Variants in GPR149 observed in about 807,000 individuals in gnomAD.
GPR149 encodes G protein-coupled receptor 149.
In GPR149, 50 loss-of-function variants were observed where a neutral mutation model predicts 50.2. The observed-to-expected ratio is 1.00, with a 90% CI of 0.79 to 1.26. The LOEUF (loss-of-function observed/expected upper bound fraction) is 1.26. GPR149 is among the 50% of genes most tolerant of loss of function. The pLI, the probability that GPR149 is intolerant of heterozygous loss-of-function variation, is 0.00. For synonymous variants in GPR149, 405 were observed against 358.2 expected, an observed-to-expected ratio of 1.13 and a Z score of -1.48; for missense variants, 983 against 895.4, an observed-to-expected ratio of 1.10 and a Z score of -1.25.
chr3:154,376,471 T>A (rs915456547), intron 3 of GPR149, among the ~76,000 whole-genome samples: 1 of 152,256 alleles, frequency 6.6e-6, no homozygotes, highest in African/African-American at 2.4e-5. Flanking sequence ...TTATTGGGAT[T>A]AATGTCAAAG....
At chr3:154,412,632 A>G (rs752516985) in intron 3 of GPR149, among the ~76,000 whole-genome samples, 6 of 152,020 alleles carry the variant, frequency 3.9e-5, no homozygotes, top group East Asian at 1.9e-4. Context: ...GCTACCAAAC[A>G]CTGCTGAAAG....
rs767103352 is a variant in GPR149 at position 154,429,304 on chromosome 3, C to G, written c.312G>C (p.Leu104=). 5.0e-6 allele frequency: 8 copies of G among 1,614,142 alleles called. No individual in the cohort carries two copies. Among genetic ancestry groups the G allele is most frequent in the East Asian group, 4.5e-5 (2 of 44,856 alleles). ...AATACATTAAGGCAGAGGTGGTGCA[C>G]AGAAATTGGAAGTAACCGGGGACCT... ...PNEVPGYFQF[L]CTTSALMYLC... is the part of the protein sequence containing the mutation. Residue 104 remains leucine (L), a synonymous_variant, in exon 1 of 4, where the codon CTG becomes CTC. Transcript: ENST00000389740.
chr3:154,406,845 C>T (rs905598183), intron 3 of GPR149, among the ~76,000 whole-genome samples: 5 of 152,096 alleles, frequency 3.3e-5, no homozygotes, highest in African/African-American at 1.2e-4. Flanking sequence ...TGTATTAGCC[C>T]GTTCTCACGT....
intron 3 of GPR149, chr3:154,354,611 T>G (rs112183275): frequency 0.01 from 2,008 of 191,884 alleles, 47 homozygotes; most frequent in African/African-American, 0.045. Flanking sequence ...GAGGAAAGAC[T>G]CTACAACTCC....
Position 154,421,398 on chromosome 3 carries a change from C to A in GPR149, c.1264G>T (p.Glu422Ter), listed in dbSNP as rs1712140928. Residue 422 changes from glutamate to a stop codon, truncating the protein, a stop_gained, in exon 3 of 4, where the codon GAA (glutamate) becomes TAA (stop). Transcript: ENST00000389740. LOFTEE classifies it high-confidence loss of function. ...IAHEDYYDDD[E>*]NSIFYHNLMN... is the part of the protein sequence containing the mutation. ...AGGTTGTGATAGAATATGGAATTTT[C>A]ATCATCATCATAGTAATCTTCATGT... 3 of 1,610,278 alleles carry A rather than the reference C, an allele frequency of 1.9e-6. No homozygotes were observed. In the Admixed American group the frequency reaches 5.0e-5, roughly 27 times the overall value.
intron 3 of GPR149, among the ~76,000 whole-genome samples, chr3:154,400,800 C>T (rs1241376258): frequency 6.6e-6 from 1 of 152,178 alleles, no homozygotes; most frequent in Non-Finnish European, 1.5e-5. Flanking sequence ...TCAGGCCTGC[C>T]TGTTTCCAAA....
chr3:154,401,409 A>G (rs947594194), intron 3 of GPR149, among the ~76,000 whole-genome samples: 4 of 152,332 alleles, frequency 2.6e-5, no homozygotes, highest in Non-Finnish European at 5.9e-5. Flanking sequence ...CTATAAAGCA[A>G]ATCAGATGGC....
At chr3:154,366,633 T>G (rs1165877766) in intron 3 of GPR149, among the ~76,000 whole-genome samples, 1 of 152,236 alleles carries the variant, frequency 6.6e-6, no homozygotes, top group African/African-American at 2.4e-5. Flanking sequence ...TTCTACAGAC[T>G]TTAAGTCTTT....
At chr3:154,411,119 G>A (rs1469506212) in intron 3 of GPR149, among the ~76,000 whole-genome samples, 3 of 152,070 alleles carry the variant, frequency 2.0e-5, no homozygotes, top group Non-Finnish European at 4.4e-5. Context: ...AATCAAGACG[G>A]AAATTTAAAA....
At chr3:154,370,350 CA>C (rs1285574451) in intron 3 of GPR149, among the ~76,000 whole-genome samples, 1 of 152,134 alleles carries the variant, frequency 6.6e-6, no homozygotes, top group East Asian at 1.9e-4. Flanking sequence ...ATAAAGGCTG[CA>C]GCCTTAGACA....
intron 3 of GPR149, among the ~76,000 whole-genome samples, chr3:154,369,460 A>G (rs1480613014): frequency 2.6e-5 from 4 of 152,178 alleles, no homozygotes; most frequent in Admixed American, 2.6e-4. Context: ...TGCCCAAATG[A>G]CAGAGGCCCA....
intron 3 of GPR149, among the ~76,000 whole-genome samples, chr3:154,350,419 C>T (rs1205773602): frequency 2.0e-5 from 3 of 151,826 alleles, no homozygotes; most frequent in Non-Finnish European, 4.4e-5. Context: ...TCTTGGACAT[C>T]AAAATAAAAA....
chr3:154,362,288 CA>C (rs34401689), intron 3 of GPR149, among the ~76,000 whole-genome samples: 206 of 94,570 alleles, frequency 2.2e-3, no homozygotes, highest in African/African-American at 7.1e-3. Context: ...GACTCCGTCT[CA>C]AAAAAAAAAA....
chr3:154,370,559 C>T (rs1039061226), intron 3 of GPR149, among the ~76,000 whole-genome samples: 8 of 152,122 alleles, frequency 5.3e-5, no homozygotes, highest in African/African-American at 1.7e-4. Context: ...GTGCACTGCT[C>T]CAGAGGATGA....
rs757829466 is a variant in GPR149, at chr3:154,429,330, C to A, written c.286G>T (p.Glu96Ter). ...AGAAATTGGAAGTAACCGGGGACCT[C>A]GTTTGGCCACTGCAAAAACATGAAG... ...TIFMFLQWPN[E>*]VPGYFQFLCT... Residue 96 changes from glutamate to a stop codon, truncating the protein, a stop_gained, in exon 1 of 4, where the codon GAG (glutamate) becomes TAG (stop). Coordinates refer to ENST00000389740, the MANE Select transcript of GPR149 (RefSeq NM_001038705.3). LOFTEE classifies it high-confidence loss of function. 1 of 1,614,164 alleles carries A rather than the reference C, an allele frequency of 6.2e-7. No individual in the cohort carries two copies. Among genetic ancestry groups the A allele is most frequent in the South Asian group, 1.1e-5 (1 of 91,080 alleles).
At position 154,427,509 on chromosome 3, in the gene GPR149, GACTT is replaced by G; in HGVS notation, c.1174+3_1174+6del. The G allele has an allele frequency of 6.2e-7, 1 of 1,600,370 alleles. No individual in the cohort carries two copies. Among genetic ancestry groups the G allele is most frequent in the South Asian group, 1.1e-5 (1 of 88,098 alleles). On this transcript the variant is annotated splice_donor_5th_base_variant and intron_variant, in intron 2 of 3. Coordinates refer to ENST00000389740, the MANE Select transcript of GPR149 (RefSeq NM_001038705.3). Reference sequence around the variant, plus strand: ...TGCTGCCAATCACTGCAGTGTTGAGGACTTACTTTTTTTCCCATCGGACGCCACT... The same window carrying G: ...TGCTGCCAATCACTGCAGTGTTGAGGACTTTTTTTCCCATCGGACGCCACT...
intron 3 of GPR149, among the ~76,000 whole-genome samples, chr3:154,395,955 C>G (rs1715285243): frequency 6.6e-6 from 1 of 152,110 alleles, no homozygotes; most frequent in South Asian, 2.1e-4. Flanking sequence ...AACCAGCAAT[C>G]AAGAATTATA....
Position 154,337,931 on chromosome 3 carries a change from G to A in GPR149, c.1964C>T (p.Ser655Phe). 6.2e-7 allele frequency: 1 copy of A among 1,613,082 alleles called. No homozygotes were observed. Among genetic ancestry groups the A allele is most frequent in the Non-Finnish European group, 8.5e-7 (1 of 1,179,392 alleles). The change falls in exon 4 of 4, where the codon TCC becomes TTC. Residue 655 changes from serine (S) to phenylalanine (F), a missense_variant. Transcript: ENST00000389740. ...TQVRSPSLRY[S>F]RKENRFVSCD... ...TGAAACAAATCTGTTTTCTTTCCTGGAGTAACGTAGGGATGGAGATCTGAC... is the reference window on the plus strand; with the variant it reads ...TGAAACAAATCTGTTTTCTTTCCTGAAGTAACGTAGGGATGGAGATCTGAC...
rs146691135 is a variant in GPR149, at chr3:154,408,908, C to T, written c.1623+12131G>A. Among the ~76,000 whole-genome samples, 179 of 152,314 alleles carry T rather than the reference C, an allele frequency of 1.2e-3. 1 individual carries two copies. The South Asian group carries it at 0.014, about 12-fold the overall frequency. On this transcript the variant is annotated intron_variant, in intron 3 of 3. Coordinates refer to ENST00000389740, the MANE Select transcript of GPR149 (RefSeq NM_001038705.3). ...ACTCTTGAAAGTGTCACTTCCTGGC[C>T]GAAGGCCAATCAACACAAAACCAGC...
Sources: gnomAD v4.1 joint callset for allele counts (sites outside exome capture counted in the v4.1 genomes callset) on GRCh38, gnomAD v4.1.1 for gene constraint, MANE v1.5 for transcripts, NCBI Gene and HGNC (gene_info 2026-07-23, HGNC 2026-07-21) for gene names.